The following AFF4 variants were observed in gnomAD, a reference collection of about 807,000 sequenced individuals.
The protein encoded by AFF4 is ALF transcription elongation factor 4.
AFF4 carries 13 observed loss-of-function variants against 124.8 expected under a neutral mutation model. The observed-to-expected ratio is 0.10, with a 90% CI of 0.07 to 0.17. The LOEUF is 0.17. Among genes scored for constraint, AFF4 ranks in the 10% least tolerant of loss-of-function variants. AFF4 has a pLI of 1.00. For missense variants in AFF4, 1,092 were observed against 1,403.8 expected, an observed-to-expected ratio of 0.78 and a Z score of 3.55; for synonymous variants, 477 against 496.1, an observed-to-expected ratio of 0.96 and a Z score of 0.51.
intron 4 of AFF4, among the ~76,000 whole-genome samples, chr5:132,928,841 T>C (rs952876901): frequency 2.0e-5 from 3 of 152,146 alleles, no homozygotes; most frequent in African/African-American, 7.2e-5. Context: ...TACTTGAACC[T>C]CTTAAAACAG....
At chr5:132,886,465 G>A (rs1019065625) in intron 17 of AFF4, 62 bp from the exon 18 acceptor site, 3 of 1,477,534 alleles carry the variant, frequency 2.0e-6, no homozygotes, top group African/African-American at 2.8e-5. Flanking sequence ...GATTTGCACA[G>A]ACAGCCTTTG....
Position 132,876,170 on chromosome 5 carries a change from A to G in AFF4, c.*4889T>C, listed in dbSNP as rs1581260986. On this transcript the variant is annotated 3_prime_UTR_variant, in exon 21 of 21. Coordinates refer to ENST00000265343, the MANE Select transcript of AFF4 (RefSeq NM_014423.4). ...AGGTGGTGCCTTTTCAGGCAATGTCAACTGGCCAGTTCTGTTGGTGAGCCC... is the reference window on the plus strand; with the variant it reads ...AGGTGGTGCCTTTTCAGGCAATGTCGACTGGCCAGTTCTGTTGGTGAGCCC... The G allele has an allele frequency of 8.7e-6, 2 of 230,780 alleles. No individual in the cohort carries two copies. The highest frequency in any genetic ancestry group is 1.2e-4 in the East Asian group (2 of 16,112). The allele number at this position is 230,780 out of a possible 1,614,324, so 14.3% of individuals were successfully genotyped here.
At chr5:132,930,444 A>C (rs1020470439) in intron 4 of AFF4, among the ~76,000 whole-genome samples, 2 of 152,190 alleles carry the variant, frequency 1.3e-5, no homozygotes, top group Admixed American at 1.3e-4. Context: ...GAAAGAATAA[A>C]AAAGAACTCA....
intron 5 of AFF4, among the ~76,000 whole-genome samples, chr5:132,916,402 A>T (rs568588643): frequency 6.7e-5 from 10 of 149,940 alleles, no homozygotes; most frequent in East Asian, 2.0e-4. Flanking sequence ...GTTTCCATAA[A>T]TTTTTTTTTT....
At position 132,896,862 on chromosome 5, in the gene AFF4, C is replaced by T. The variant is rs776462134; in HGVS notation, c.1768G>A (p.Val590Ile). 9.9e-6 allele frequency: 16 copies of T among 1,613,970 alleles called. No homozygotes were observed. In the East Asian group the frequency reaches 3.3e-4, roughly 34 times the overall value. The change falls in exon 11 of 21, where the codon GTA becomes ATA. Residue 590 changes from valine (V) to isoleucine (I), a missense_variant. This residue lies in a region of AFF4 where 174 missense variants were observed against 205.9 expected (regional missense o/e 0.84). Transcript: ENST00000265343. ...GGLKIESETP[V>I]DLASSMPSSR... ...GAGGGCATGCTGCTAGCCAAGTCTA[C>T]AGGGGTTTCACTTTCTATCTTCAGG...
At chr5:132,946,472 C>T (rs1258898224) in intron 1 of AFF4, among the ~76,000 whole-genome samples, 2 of 152,162 alleles carry the variant, frequency 1.3e-5, no homozygotes, top group Non-Finnish European at 2.9e-5. Flanking sequence ...TATATATACA[C>T]ACATACATAA....
intron 1 of AFF4, among the ~76,000 whole-genome samples, chr5:132,939,366 T>C (rs959238265): frequency 2.6e-5 from 4 of 152,218 alleles, no homozygotes; most frequent in African/African-American, 4.8e-5. Flanking sequence ...TAGCACTCTA[T>C]AGAACTCTAT....
At chr5:132,899,540 T>G in intron 8 of AFF4, 47 bp downstream of exon 8, 1 of 1,473,084 alleles carries the variant, frequency 6.8e-7, no homozygotes, top group Non-Finnish European at 9.2e-7. Flanking sequence ...TAAAATACAA[T>G]GAAAATACTA....
chr5:132,878,683 T>C lies in AFF4; in HGVS notation c.*2376A>G, dbSNP rs1759898431. ...GGAAAAATCCTCCACAATGAAAAGGTTGAAAAATTCATTCTCCAAAAATTG... is the reference window on the plus strand; with the variant it reads ...GGAAAAATCCTCCACAATGAAAAGGCTGAAAAATTCATTCTCCAAAAATTG... On this transcript the variant is annotated 3_prime_UTR_variant, in exon 21 of 21. Transcript: ENST00000265343. 4.4e-6 allele frequency: 1 copy of C among 227,060 alleles called. No individual in the cohort carries two copies. Among genetic ancestry groups the C allele is most frequent in the Non-Finnish European group, 8.8e-6 (1 of 114,002 alleles). The allele number at this position is 227,060 out of a possible 1,614,324, so 14.1% of individuals were successfully genotyped here. A position where few individuals can be genotyped will look rare whatever the true frequency, so the allele number is the denominator to read the frequency against.
chr5:132,919,749 C>G (rs1479064116), intron 5 of AFF4, among the ~76,000 whole-genome samples: 1 of 152,064 alleles, frequency 6.6e-6, no homozygotes, highest in African/African-American at 2.4e-5. Flanking sequence ...ATTCGGGAGA[C>G]CAAGGCATGA....
intron 1 of AFF4, chr5:132,942,948 AG>A (rs948333237): frequency 3.7e-5 from 8 of 215,116 alleles, no homozygotes; most frequent in African/African-American, 1.8e-4. Flanking sequence ...GTGATGGGAA[AG>A]GGGTCCTTCA....
chr5:132,927,357 G>A, intron 4 of AFF4, 150 bp from the exon 5 acceptor site: 1 of 639,748 alleles, frequency 1.6e-6, no homozygotes, highest in Non-Finnish European at 2.7e-6. Context: ...GCACAATTGT[G>A]TGCTAGGCAC....
At chr5:132,882,307 G>A (rs551470736) in intron 20 of AFF4, among the ~76,000 whole-genome samples, 29 of 151,510 alleles carry the variant, frequency 1.9e-4, no homozygotes, top group Non-Finnish European at 2.2e-4. Context: ...CTGATTACCT[G>A]TTCACGCTGT....
At chr5:132,937,405 A>AG (rs1195580359) in intron 1 of AFF4, among the ~76,000 whole-genome samples, 1 of 152,226 alleles carries the variant, frequency 6.6e-6, no homozygotes, top group East Asian at 1.9e-4. Context: ...ACACTAGCCC[A>AG]GAATATTAGA....
intron 1 of AFF4, among the ~76,000 whole-genome samples, chr5:132,942,193 G>A (rs1432301585): frequency 6.6e-6 from 1 of 152,124 alleles, no homozygotes; most frequent in African/African-American, 2.4e-5. Flanking sequence ...TGACCAACTG[G>A]CTAAAAATCA....
At chr5:132,904,900 T>C (rs998833904) in intron 5 of AFF4, among the ~76,000 whole-genome samples, 1 of 151,824 alleles carries the variant, frequency 6.6e-6, no homozygotes, top group African/African-American at 2.4e-5. Context: ...AATACAAAAA[T>C]TAGTTGGGCG....
intron 1 of AFF4, among the ~76,000 whole-genome samples, chr5:132,950,730 G>A (rs576298194): frequency 1.3e-5 from 2 of 152,116 alleles, no homozygotes; most frequent in South Asian, 2.1e-4. Flanking sequence ...AACTATCAGC[G>A]TCTACATCTA....
chr5:132,923,573 G>T (rs1371905697), intron 5 of AFF4, among the ~76,000 whole-genome samples: 1 of 151,836 alleles, frequency 6.6e-6, no homozygotes, highest in South Asian at 2.1e-4. Flanking sequence ...CCGTCTCTAT[G>T]TAAGTCTGGC....
At position 132,888,077 on chromosome 5, in the gene AFF4, TA is replaced by T. The variant is rs754444406; in HGVS notation, c.2796+19del. ...GTTAATTTGATTAAATACGTAAGTG[TA>T]AGGAGAATATCTACATACCAATGCA... On this transcript the variant is annotated intron_variant, in intron 15 of 20. Transcript: ENST00000265343. 9 of 1,608,688 alleles carry T rather than the reference TA, an allele frequency of 5.6e-6. No individual in the cohort carries two copies. The South Asian group carries it at 8.8e-5, about 16-fold the overall frequency.
Sources: allele counts gnomAD v4.1 joint callset (sites outside exome capture counted in the v4.1 genomes callset), GRCh38; gene constraint gnomAD v4.1.1; regional missense constraint gnomAD v4.1.1; transcripts MANE v1.5; gene names NCBI Gene and HGNC (gene_info 2026-07-23, HGNC 2026-07-21).